The following TRERF1 variants were observed in gnomAD, a reference collection of about 807,000 sequenced individuals.
TRERF1 encodes the protein transcriptional-regulating factor 1.
TRERF1 carries 27 observed loss-of-function variants against 122.9 expected under a neutral mutation model. That is an observed-to-expected ratio of 0.22 (90% CI 0.16 to 0.30). The LOEUF is 0.30. TRERF1 is among the 10% of genes least tolerant of loss of function. The pLI, the probability that TRERF1 is intolerant of heterozygous loss-of-function variation, is 1.00. For missense variants in TRERF1, 1,248 were observed against 1,560.3 expected (o/e 0.80, Z 3.37); for synonymous variants, 636 against 641.7 (o/e 0.99, Z 0.13).
Position 42,263,281 on chromosome 6 carries a change from C to T in TRERF1, c.1884+39G>A, listed in dbSNP as rs780315262. On this transcript the variant is annotated intron_variant, in intron 8 of 17. Coordinates refer to ENST00000372922, the Ensembl canonical transcript of TRERF1. This position sits in a 1 kb window ranked among gnomAD's most constrained non-coding sequence, Gnocchi z 5.6. ...TCACAGCAGGCGTGCGGGGGGCAGC[C>T]CCTTGGGGTGAGTGTGGGGGAGAGA... The T allele has an allele frequency of 1.3e-6, 2 of 1,584,006 alleles. No individual in the cohort carries two copies. The highest frequency in any genetic ancestry group is 1.7e-6 in the Non-Finnish European group (2 of 1,163,076).
chr6:42,297,449 G>T (rs987562084), intron 4 of TRERF1, among the ~76,000 whole-genome samples: 5 of 152,174 alleles, frequency 3.3e-5, no homozygotes, highest in Non-Finnish European at 5.9e-5. Context: ...GCAGCACAGG[G>T]TTAAGAGCCT....
chr6:42,332,106 G>A (rs1765344297), intron 3 of TRERF1, among the ~76,000 whole-genome samples: 2 of 152,132 alleles, frequency 1.3e-5, no homozygotes, highest in African/African-American at 4.8e-5. Context: ...CCACACCTGG[G>A]TACTTTTTGT....
chr6:42,225,214 T>C (rs866738057), downstream of TRERF1: 3 of 150,806 alleles, frequency 2.0e-5, no homozygotes, highest in East Asian at 3.9e-4. Flanking sequence ...TTTTTTCTTT[T>C]TTTTTTTTTT....
chr6:42,436,830 T>TAC (rs1785524759), intron 2 of TRERF1, among the ~76,000 whole-genome samples: 1 of 138,656 alleles, frequency 7.2e-6, no homozygotes, highest in African/African-American at 2.7e-5. Flanking sequence ...TATATATATA[T>TAC]ATATATATAT....
intron 2 of TRERF1, among the ~76,000 whole-genome samples, chr6:42,415,536 T>C (rs1297573539): frequency 6.6e-6 from 1 of 152,208 alleles, no homozygotes; most frequent in Non-Finnish European, 1.5e-5. Flanking sequence ...CTATGTTTGA[T>C]AGGCTTATTC....
intron 2 of TRERF1, among the ~76,000 whole-genome samples, chr6:42,372,840 A>ATGT (rs1462393724): frequency 6.6e-6 from 1 of 152,222 alleles, no homozygotes; most frequent in Non-Finnish European, 1.5e-5. Context: ...GGCACTGACC[A>ATGT]CAGGGTGGGT....
In TRERF1 at chr6:42,263,160, G is replaced by T. The variant is rs145864035; in HGVS notation, c.1884+160C>A. 1.6e-5 allele frequency: 22 copies of T among 1,396,914 alleles called. No homozygotes were observed. The highest frequency in any genetic ancestry group is 1.0e-4 in the African/African-American group (7 of 69,150). 86.5% of individuals were successfully genotyped at this position (1,396,914 alleles called of 1,614,324 possible). Reference sequence around the variant, plus strand: ...GGGTTCAGCCCTGAGAGACCAAGCCGTATCCAAGCTCAGGTCAGTGACTCT... The same window carrying T: ...GGGTTCAGCCCTGAGAGACCAAGCCTTATCCAAGCTCAGGTCAGTGACTCT... On this transcript the variant is annotated intron_variant, in intron 8 of 17. Coordinates refer to ENST00000372922, the Ensembl canonical transcript of TRERF1. This position sits in a 1 kb window ranked among gnomAD's most constrained non-coding sequence, Gnocchi z 5.6.
intron 2 of TRERF1, among the ~76,000 whole-genome samples, chr6:42,374,189 C>G (rs1471911913): frequency 6.7e-6 from 1 of 150,270 alleles, no homozygotes; most frequent in Non-Finnish European, 1.5e-5. Context: ...AGGGGAAGAG[C>G]CTGCTAAGCC....
intron 4 of TRERF1, among the ~76,000 whole-genome samples, chr6:42,289,748 C>A (rs1783977311): frequency 6.6e-6 from 1 of 152,112 alleles, no homozygotes; most frequent in African/African-American, 2.4e-5. Context: ...AGATTTGGCC[C>A]CTGGACTGTA....
chr6:42,265,758 C>T, exon 6 of TRERF1: 1 of 1,613,340 alleles, frequency 6.2e-7, no homozygotes, highest in Non-Finnish European at 8.5e-7. Context: ...TACCTTGACT[C>T]AGGGGACCCT....
intron 2 of TRERF1, among the ~76,000 whole-genome samples, chr6:42,447,680 G>C (rs1334909680): frequency 6.6e-6 from 1 of 152,102 alleles, no homozygotes; most frequent in African/African-American, 2.4e-5. Context: ...CACTTGCCTA[G>C]ATCCTTACTT....
intron 3 of TRERF1, among the ~76,000 whole-genome samples, chr6:42,305,532 A>C (rs1787049480): frequency 6.6e-6 from 1 of 152,142 alleles, no homozygotes; most frequent in Admixed American, 6.6e-5. Context: ...TAAAAGCCCA[A>C]ATCAAAGAGG....
chr6:42,289,347 C>CAAAAAAAA (rs752960127), intron 4 of TRERF1, among the ~76,000 whole-genome samples: 1 of 112,268 alleles, frequency 8.9e-6, no homozygotes, highest in African/African-American at 3.1e-5. Context: ...AACAAACAAA[C>CAAAAAAAA]AAAAAAAAAA....
chr6:42,375,104 A>G (rs1209266220), intron 2 of TRERF1, among the ~76,000 whole-genome samples: 17 of 152,044 alleles, frequency 1.1e-4, no homozygotes, highest in Non-Finnish European at 1.5e-5. Flanking sequence ...AAACCCAGGA[A>G]GCTCAGGGTA....
intron 3 of TRERF1, among the ~76,000 whole-genome samples, chr6:42,301,389 C>T (rs1285016715): frequency 6.6e-6 from 1 of 152,160 alleles, no homozygotes; most frequent in Admixed American, 6.5e-5. Flanking sequence ...ACCACCACAC[C>T]TGGCTAATTT....
chr6:42,226,698 C>T (rs892713032), exon 18 of TRERF1: 1 of 152,226 alleles, frequency 6.6e-6, no homozygotes, highest in Admixed American at 6.5e-5. Flanking sequence ...AGCCAGTTCC[C>T]CCCCATGAGT....
At chr6:42,407,829 G>T (rs889117309) in intron 2 of TRERF1, among the ~76,000 whole-genome samples, 2 of 151,112 alleles carry the variant, frequency 1.3e-5, no homozygotes, top group African/African-American at 2.4e-5. Context: ...TCTTATGGAC[G>T]TGTGCGCACA....
At chr6:42,291,209 C>A (rs562420520) in intron 4 of TRERF1, among the ~76,000 whole-genome samples, 1 of 152,262 alleles carries the variant, frequency 6.6e-6, no homozygotes, top group Admixed American at 6.5e-5. Flanking sequence ...AGCCCCCAAC[C>A]CTCTGATACT....
rs949938655 is a variant in TRERF1, at chr6:42,257,113, C to T, written c.2337-11G>A. 1.2e-6 allele frequency: 2 copies of T among 1,613,248 alleles called. No individual in the cohort carries two copies. The highest frequency in any genetic ancestry group is 2.2e-5 in the East Asian group (1 of 44,890). On this transcript the variant is annotated splice_polypyrimidine_tract_variant and intron_variant, in intron 10 of 17. Coordinates refer to ENST00000372922, the Ensembl canonical transcript of TRERF1. ...CCAATGTTGATGCGTCTTTAAATGA[C>T]AAGAAGAAAAACAACAATGTGGTCT...
Sources: allele counts gnomAD v4.1 joint callset (sites outside exome capture counted in the v4.1 genomes callset), GRCh38; gene constraint gnomAD v4.1.1; non-coding constraint Gnocchi (gnomAD v3.1); transcripts MANE v1.5; gene names NCBI Gene and HGNC (gene_info 2026-07-23, HGNC 2026-07-21).